Variants in RBFOX1 observed in about 807,000 individuals in gnomAD.
RBFOX1 encodes the protein RNA binding fox-1 homolog 1.
In RBFOX1, 8 loss-of-function variants were observed where a neutral mutation model predicts 57.7. The ratio of observed to expected loss-of-function variants is 0.14; its 90% CI spans 0.08 to 0.25. The LOEUF is 0.25. Among genes scored for constraint, RBFOX1 ranks in the 10% least tolerant of loss-of-function variants. The pLI is 1.00. For synonymous variants in RBFOX1, 326 were observed against 222.4 expected, an observed-to-expected ratio of 1.47 and a Z score of -4.15; for missense variants, 611 against 548.5, an observed-to-expected ratio of 1.11 and a Z score of -1.14.
chr16:7,700,420 T>A (rs2080287971), intron 14 of RBFOX1, among the ~76,000 whole-genome samples: 1 of 152,132 alleles, frequency 6.6e-6, no homozygotes, highest in Non-Finnish European at 1.5e-5. Context: ...TAACAGTCAG[T>A]GTTTGACTCT....
At chr16:6,666,020 C>G (rs554677993) in intron 3 of RBFOX1, among the ~76,000 whole-genome samples, 1 of 152,180 alleles carries the variant, frequency 6.6e-6, no homozygotes, top group South Asian at 2.1e-4. Flanking sequence ...ATAAGTCTCC[C>G]GAGATCTGAT....
chr16:6,708,150 G>T (rs1028881758), intron 3 of RBFOX1, among the ~76,000 whole-genome samples: 7 of 152,110 alleles, frequency 4.6e-5, no homozygotes, highest in Admixed American at 4.6e-4. Flanking sequence ...GGGAGCGGGG[G>T]ATGTTGGGGG....
chr16:7,060,218 C>G (rs1232489288), intron 4 of RBFOX1, among the ~76,000 whole-genome samples: 1 of 152,058 alleles, frequency 6.6e-6, no homozygotes, highest in Non-Finnish European at 1.5e-5. Context: ...ACAAAAGCAG[C>G]CATAGATAAA....
intron 1 of RBFOX1, among the ~76,000 whole-genome samples, chr16:6,224,422 C>G (rs1245784610): frequency 2.6e-5 from 4 of 152,036 alleles, no homozygotes; most frequent in African/African-American, 9.7e-5. Flanking sequence ...CTTCATGTCC[C>G]TTGTAAGCTG....
chr16:7,500,348 G>T (rs146079676), intron 4 of RBFOX1, among the ~76,000 whole-genome samples: 1 of 152,172 alleles, frequency 6.6e-6, no homozygotes, highest in Non-Finnish European at 1.5e-5. Flanking sequence ...CTTCTGCTTA[G>T]TTGGGTTGTA....
intron 4 of RBFOX1, among the ~76,000 whole-genome samples, chr16:7,097,046 T>A (rs1384108995): frequency 2.0e-5 from 3 of 151,774 alleles, no homozygotes; most frequent in Non-Finnish European, 4.4e-5. Flanking sequence ...AAACAACAGA[T>A]GCCTCCTATA....
intron 1 of RBFOX1, among the ~76,000 whole-genome samples, chr16:6,145,126 C>A (rs1597754126): frequency 6.6e-6 from 1 of 152,006 alleles, no homozygotes; most frequent in South Asian, 2.1e-4. Context: ...AAGATAATTT[C>A]ATCACCTAGG....
At chr16:7,220,705 A>C (rs149676768) in intron 4 of RBFOX1, among the ~76,000 whole-genome samples, 2 of 152,170 alleles carry the variant, frequency 1.3e-5, no homozygotes, top group East Asian at 3.9e-4. Context: ...TGATCTGTGA[A>C]CTTGCCACAG....
chr16:6,589,165 A>T (rs1362480671), intron 2 of RBFOX1, among the ~76,000 whole-genome samples: 2 of 152,214 alleles, frequency 1.3e-5, no homozygotes, highest in Non-Finnish European at 2.9e-5. Context: ...CAGCTAGAAT[A>T]CCACTGCCAG....
intron 4 of RBFOX1, among the ~76,000 whole-genome samples, chr16:7,476,188 G>C (rs2062666831): frequency 6.6e-6 from 1 of 151,994 alleles, no homozygotes; most frequent in Non-Finnish European, 1.5e-5. Context: ...GCCCAGGCTG[G>C]TCTTGAACTG....
chr16:5,573,549 C>T (rs999501247), intron 2 of RBFOX1, among the ~76,000 whole-genome samples: 1 of 152,154 alleles, frequency 6.6e-6, no homozygotes, highest in Non-Finnish European at 1.5e-5. Flanking sequence ...CGGAATGTAC[C>T]AGAAATCAAC....
chr16:5,580,918 A>G (rs1056296730), intron 2 of RBFOX1, among the ~76,000 whole-genome samples: 2 of 152,174 alleles, frequency 1.3e-5, no homozygotes, highest in Non-Finnish European at 2.9e-5. Context: ...CATTCTATGG[A>G]TGGGAATGAT....
At chr16:5,495,377 C>G (rs1433026609) in intron 2 of RBFOX1, among the ~76,000 whole-genome samples, 2 of 152,206 alleles carry the variant, frequency 1.3e-5, no homozygotes, top group African/African-American at 4.8e-5. Flanking sequence ...TTTTAAACAA[C>G]CAGATCTCGG....
chr16:5,699,820 GTTCTGGTT>G (rs1157890019), intron 3 of RBFOX1, among the ~76,000 whole-genome samples: 4 of 152,072 alleles, frequency 2.6e-5, no homozygotes. Flanking sequence ...TTATCTTTGT[GTTCTGGTT>G]TTATTATTTA....
At chr16:5,904,437 G>T (rs942172766) in intron 4 of RBFOX1, among the ~76,000 whole-genome samples, 2 of 151,806 alleles carry the variant, frequency 1.3e-5, no homozygotes, top group Admixed American at 6.6e-5. Flanking sequence ...TGCCCTCAGG[G>T]CAGGAAATAT....
intron 3 of RBFOX1, among the ~76,000 whole-genome samples, chr16:6,743,227 A>G (rs1433495021): frequency 6.6e-6 from 1 of 152,298 alleles, no homozygotes; most frequent in East Asian, 1.9e-4. Context: ...AATAATAAAA[A>G]TTTTCAATTA....
intron 1 of RBFOX1, chr16:6,092,373 G>A (rs2096187992): frequency 6.6e-6 from 1 of 152,162 alleles, no homozygotes; most frequent in East Asian, 1.9e-4. Context: ...TGAATCCCTG[G>A]CAAGCGAACT....
chr16:7,540,978 G>A (rs1019021855), intron 5 of RBFOX1, among the ~76,000 whole-genome samples: 10 of 152,130 alleles, frequency 6.6e-5, no homozygotes, highest in African/African-American at 2.2e-4. Context: ...TGCATTGAAG[G>A]TTTAGCTCTC....
At chr16:7,695,011 T>C (rs1203776281) in intron 14 of RBFOX1, among the ~76,000 whole-genome samples, 1 of 152,194 alleles carries the variant, frequency 6.6e-6, no homozygotes, top group East Asian at 1.9e-4. Context: ...AAGCAAGTGA[T>C]CCACACACAA....
Sources: allele counts gnomAD v4.1 joint callset (sites outside exome capture counted in the v4.1 genomes callset), GRCh38; gene constraint gnomAD v4.1.1; transcripts MANE v1.5; gene names NCBI Gene and HGNC (gene_info 2026-07-23, HGNC 2026-07-21).